The following SGCD variants were observed in gnomAD, a reference collection of about 807,000 sequenced individuals.
SGCD encodes delta-sarcoglycan.
A neutral mutation model predicts 36.6 loss-of-function variants in SGCD; 18 were observed. That is an observed-to-expected ratio of 0.49 (90% confidence interval 0.34 to 0.73). SGCD has a LOEUF of 0.73. Ranked by LOEUF, SGCD falls within the 30% of genes least tolerant of loss-of-function variation. The pLI, the probability that SGCD is intolerant of heterozygous loss-of-function variation, is 0.01. For missense variants in SGCD, 387 were observed against 346.7 expected (o/e 1.12, Z -0.92); for synonymous variants, 133 against 130.6 (o/e 1.02, Z -0.12).
intron 3 of SGCD, among the ~76,000 whole-genome samples, chr5:156,199,523 A>C (rs1764093845): frequency 6.6e-6 from 1 of 152,138 alleles, no homozygotes; most frequent in Non-Finnish European, 1.5e-5. Context: ...TGGTAGTAGA[A>C]GCAGTACAGA....
At chr5:156,744,317 A>C (rs1208486461) in intron 7 of SGCD, among the ~76,000 whole-genome samples, 1 of 152,226 alleles carries the variant, frequency 6.6e-6, no homozygotes, top group Admixed American at 6.5e-5. Flanking sequence ...TGTGCTGGAA[A>C]ATCAGTGCAG....
At chr5:156,267,556 C>G (rs1163273530) in intron 3 of SGCD, among the ~76,000 whole-genome samples, 1 of 152,214 alleles carries the variant, frequency 6.6e-6, no homozygotes, top group Non-Finnish European at 1.5e-5. Flanking sequence ...ATTTCCCTCC[C>G]TGAGCACAGG....
the SGCD span, among the ~76,000 whole-genome samples, chr5:155,768,292 G>GT: frequency 0.66 from 98,952 of 149,490 alleles, 33,258 homozygotes; most frequent in African/African-American, 0.76. Flanking sequence ...TGTTGTTTTA[G>GT]TTTTTTTTTT....
intron 6 of SGCD, among the ~76,000 whole-genome samples, chr5:156,638,251 A>C (rs1388690511): frequency 6.6e-6 from 1 of 151,978 alleles, no homozygotes; most frequent in Non-Finnish European, 1.5e-5. Context: ...CATGGCTCCC[A>C]TCTCACCCTC....
intron 3 of SGCD, among the ~76,000 whole-genome samples, chr5:156,462,049 T>C (rs547909752): frequency 3.3e-5 from 5 of 152,198 alleles, no homozygotes; most frequent in Non-Finnish European, 7.4e-5. Flanking sequence ...CTAAATTTTA[T>C]GTACTGAAGT....
At chr5:156,646,727 T>C (rs1262919258) in intron 6 of SGCD, among the ~76,000 whole-genome samples, 1 of 152,170 alleles carries the variant, frequency 6.6e-6, no homozygotes, top group Non-Finnish European at 1.5e-5. Flanking sequence ...CAATTGTCTG[T>C]GAAAAACTGA....
chr5:156,551,499 A>G (rs1032772518), intron 4 of SGCD, among the ~76,000 whole-genome samples: 6 of 152,100 alleles, frequency 3.9e-5, no homozygotes, highest in Admixed American at 3.9e-4. Flanking sequence ...TCACGGGAAC[A>G]GGGCAGGGTT....
At chr5:156,484,435 AC>A (rs1755570598) in intron 3 of SGCD, among the ~76,000 whole-genome samples, 1 of 152,234 alleles carries the variant, frequency 6.6e-6, no homozygotes, top group Non-Finnish European at 1.5e-5. Flanking sequence ...AAAGAGCACA[AC>A]CGGCATTTAC....
chr5:155,756,276 A>G, the SGCD span, among the ~76,000 whole-genome samples: 1 of 152,260 alleles, frequency 6.6e-6, no homozygotes, highest in Non-Finnish European at 1.5e-5. Flanking sequence ...GATTATCCAT[A>G]GGGTACTGAT....
At chr5:156,045,246 A>G (rs962526967) in intron 1 of SGCD, among the ~76,000 whole-genome samples, 2 of 152,158 alleles carry the variant, frequency 1.3e-5, no homozygotes, top group Non-Finnish European at 2.9e-5. Flanking sequence ...AACTTTCAAC[A>G]AAAGTTTTGG....
Position 156,444,134 on chromosome 5 carries a change from CTCTCCTTCCCTT to C in SGCD, c.193-64462_193-64451del, listed in dbSNP as rs1223230103. 2.5e-4 allele frequency among the ~76,000 whole-genome samples: 31 copies of C among 125,806 alleles called. 4 individuals are homozygous for C. Among genetic ancestry groups the C allele is most frequent in the South Asian group, 1.3e-3 (4 of 3,048 alleles). The allele number at this position is 125,806 out of a possible 152,430, so 82.5% of individuals were successfully genotyped here. A position where few individuals can be genotyped will look rare whatever the true frequency, so the allele number is the denominator to read the frequency against. The stretch of plus-strand genomic sequence containing the variant: ...TCTCTCTCCCCTTCCCTCTCTCTCT[CTCTCCTTCCCTT>C]TCTCTCTCTCCTTCCCTCTCTCTCT... On this transcript the variant is annotated intron_variant, in intron 3 of 8. Transcript: ENST00000337851.
At chr5:155,841,758 A>G in the SGCD span, among the ~76,000 whole-genome samples, 1 of 152,206 alleles carries the variant, frequency 6.6e-6, no homozygotes, top group South Asian at 2.1e-4. Flanking sequence ...TTATCACTTT[A>G]TAATAATGGT....
intron 7 of SGCD, among the ~76,000 whole-genome samples, chr5:156,694,738 T>C (rs947798697): frequency 1.3e-5 from 2 of 152,108 alleles, no homozygotes; most frequent in African/African-American, 4.8e-5. Flanking sequence ...GCGACATAAT[T>C]GAAGATTGAT....
At chr5:156,577,383 A>T (rs936820083) in intron 4 of SGCD, among the ~76,000 whole-genome samples, 1 of 152,074 alleles carries the variant, frequency 6.6e-6, no homozygotes, top group African/African-American at 2.4e-5. Flanking sequence ...TTTGCTTAGG[A>T]TTGTCTTGGC....
Position 156,229,300 on chromosome 5 carries a change from A to ATATATATATATATATATATATATATATAT in SGCD, c.-43-100234_-43-100233insTATATATATATATATATATATATATATAT, listed in dbSNP as rs1477607808. Among the ~76,000 whole-genome samples the ATATATATATATATATATATATATATATAT allele has an allele frequency of 2.5e-3, 320 of 125,862 alleles. 1 individual carries two copies. Among genetic ancestry groups the ATATATATATATATATATATATATATATAT allele is most frequent in the South Asian group, 3.4e-3 (13 of 3,878 alleles). The allele number at this position is 125,862 out of a possible 152,430, so 82.6% of individuals were successfully genotyped here. A position where few individuals can be genotyped will look rare whatever the true frequency, so the allele number is the denominator to read the frequency against. ...TACATATATATATATATATATATAT[A>ATATATATATATATATATATATATATATAT]AAATTAGTTCTTCCATTGGTTCTTC... On this transcript the variant is annotated intron_variant, in intron 3 of 9. Coordinates refer to the SGCD transcript ENST00000517913.
intron 3 of SGCD, among the ~76,000 whole-genome samples, chr5:156,504,177 C>T (rs1191861443): frequency 1.3e-5 from 2 of 149,014 alleles, no homozygotes; most frequent in Non-Finnish European, 3.0e-5. Context: ...GCACTCCAGC[C>T]TGGGTGACAA....
At chr5:155,912,869 A>G (rs1186332350) in intron 1 of SGCD, among the ~76,000 whole-genome samples, 1 of 151,564 alleles carries the variant, frequency 6.6e-6, no homozygotes, top group Non-Finnish European at 1.5e-5. Context: ...CTTTCTTTGT[A>G]AATTCCTCTC....
At chr5:155,785,886 T>C in the SGCD span, among the ~76,000 whole-genome samples, 1 of 152,166 alleles carries the variant, frequency 6.6e-6, no homozygotes, top group African/African-American at 2.4e-5. Flanking sequence ...GGTCCAGATA[T>C]TATTACTATG....
chr5:155,976,769 C>T (rs1758122173), intron 1 of SGCD, among the ~76,000 whole-genome samples: 1 of 152,078 alleles, frequency 6.6e-6, no homozygotes, highest in South Asian at 2.1e-4. Context: ...CAGGCATCAT[C>T]CTGGACACCG....
Sources: gnomAD v4.1 joint callset for allele counts (sites outside exome capture counted in the v4.1 genomes callset) on GRCh38, gnomAD v4.1.1 for gene constraint, MANE v1.5 for transcripts, NCBI Gene and HGNC (gene_info 2026-07-23, HGNC 2026-07-21) for gene names.